PLEKHD1: variants seen among roughly 807,000 people sequenced by gnomAD.
PLEKHD1 encodes the protein pleckstrin homology and coiled-coil domain containing D1, also known as pleckstrin homology domain-containing family D member 1.
Under a neutral mutation model 69.2 loss-of-function variants are expected in PLEKHD1, and 51 were observed. That is an observed-to-expected ratio of 0.74 (90% CI 0.59 to 0.93). The LOEUF is 0.93. Ranked by LOEUF, PLEKHD1 falls within the 40% of genes least tolerant of loss-of-function variation. The probability of loss-of-function intolerance (pLI) is 0.00; values close to 1 mark genes in which losing one functional copy is unlikely to be tolerated. For missense variants in PLEKHD1, 584 were observed against 641.0 expected, an observed-to-expected ratio of 0.91 and a Z score of 0.96; for synonymous variants, 236 against 244.7, an observed-to-expected ratio of 0.96 and a Z score of 0.33.
chr14:69,527,037 C>T (rs1223775126), intron 10 of PLEKHD1, 151 bp from the exon 11 acceptor site: 3 of 1,183,798 alleles, frequency 2.5e-6, no homozygotes, highest in Non-Finnish European at 2.3e-6. Flanking sequence ...AAGTCCAGTC[C>T]ATCTGGTTCA....
chr14:69,505,685 A>T (rs1394373103), intron 6 of PLEKHD1, among the ~76,000 whole-genome samples: 1 of 152,206 alleles, frequency 6.6e-6, no homozygotes, highest in African/African-American at 2.4e-5. Context: ...GCGAGGCCCA[A>T]TGAAGTAGAA....
the PLEKHD1 span, among the ~76,000 whole-genome samples, chr14:69,476,726 G>A: frequency 2.6e-5 from 4 of 152,198 alleles, no homozygotes; most frequent in South Asian, 2.1e-4. Flanking sequence ...CAGAACCAGC[G>A]TGGCTGGAGC....
intron 3 of PLEKHD1, 84 bp downstream of exon 3, chr14:69,500,750 T>C: frequency 1.3e-6 from 2 of 1,517,934 alleles, no homozygotes; most frequent in Non-Finnish European, 8.9e-7. Context: ...TCCCATGTCC[T>C]GGCCTGGGAG....
intron 1 of PLEKHD1, among the ~76,000 whole-genome samples, chr14:69,492,232 G>C (rs559964189): frequency 3.0e-4 from 45 of 152,140 alleles, no homozygotes; most frequent in Non-Finnish European, 5.7e-4. Context: ...TGCCTATGCT[G>C]TTCCCTCTGT....
intron 1 of PLEKHD1, among the ~76,000 whole-genome samples, chr14:69,490,114 C>T (rs552079739): frequency 7.1e-4 from 108 of 152,268 alleles, no homozygotes; most frequent in African/African-American, 2.3e-3. Flanking sequence ...GTGATCTGCC[C>T]GCCTCGGCCT....
chr14:69,505,619 C>G (rs1387073557), intron 6 of PLEKHD1, among the ~76,000 whole-genome samples: 3 of 152,226 alleles, frequency 2.0e-5, no homozygotes, highest in Non-Finnish European at 4.4e-5. Context: ...CAATTTCCCC[C>G]CATCTGGGAT....
rs560322645 is a variant in PLEKHD1, at chr14:69,508,273, A to T, written c.555+5394A>T. Among the ~76,000 whole-genome samples the T allele has an allele frequency of 4.6e-5, 7 of 151,968 alleles. No homozygotes were observed. In the South Asian group the frequency reaches 1.5e-3, roughly 32 times the overall value. Reference sequence around the variant, plus strand: ...ATACAAAAATTAGCCGGGGGTGGTGATGTGTGCCTATAATCCCAGCTACTT... The same window carrying T: ...ATACAAAAATTAGCCGGGGGTGGTGTTGTGTGCCTATAATCCCAGCTACTT... On this transcript the variant is annotated intron_variant, in intron 6 of 12. Transcript: ENST00000322564.
At chr14:69,479,196 C>T in the PLEKHD1 span, among the ~76,000 whole-genome samples, 1 of 152,162 alleles carries the variant, frequency 6.6e-6, no homozygotes, top group Admixed American at 6.5e-5. Flanking sequence ...TATTCACTAT[C>T]ATGAGAACAG....
At position 69,500,187 on chromosome 14, in the gene PLEKHD1, A is replaced by G. The variant is rs1882991002; in HGVS notation, c.222A>G (p.Lys74=). 6.5e-7 allele frequency: 1 copy of G among 1,548,200 alleles called. No homozygotes were observed. The highest frequency in any genetic ancestry group is 8.7e-7 in the Non-Finnish European group (1 of 1,143,860). ...AAAAAAAGAGCTTTGAAACCAATAA[A>G]TACTTCAATATACATCCTAAGGTGA... ...ESEKKSFETN[K]YFNIHPKGVI... Residue 74 remains lysine (K), a synonymous_variant, in exon 2 of 13, where the codon AAA becomes AAG. Transcript: ENST00000322564.
chr14:69,484,416 C>G (rs1882605064), upstream of PLEKHD1, among the ~76,000 whole-genome samples: 1 of 152,198 alleles, frequency 6.6e-6, no homozygotes, highest in Non-Finnish European at 1.5e-5. Flanking sequence ...GCGGACGTGG[C>G]CCTCGTCTCG....
intron 6 of PLEKHD1, among the ~76,000 whole-genome samples, chr14:69,522,080 G>A (rs1053006031): frequency 8.5e-5 from 13 of 152,264 alleles, no homozygotes; most frequent in South Asian, 2.1e-4. Context: ...CAGTGGGCTC[G>A]ATTCATCATA....
In PLEKHD1 at chr14:69,485,734, C is replaced by T. The variant is rs1487533912; in HGVS notation, c.149+620C>T. Among the ~76,000 whole-genome samples, 4 of 152,164 alleles carry T rather than the reference C, an allele frequency of 2.6e-5. No individual in the cohort carries two copies. The East Asian group carries it at 7.7e-4, about 29-fold the overall frequency. Reference sequence around the variant, plus strand: ...AGCACAGGGAAGAGAGATTCTAGTGCTTCAGACGGAGGAGCTGGAAAGGAG... The same window carrying T: ...AGCACAGGGAAGAGAGATTCTAGTGTTTCAGACGGAGGAGCTGGAAAGGAG... On this transcript the variant is annotated intron_variant, in intron 1 of 12. Coordinates refer to ENST00000322564, the MANE Select transcript of PLEKHD1 (RefSeq NM_001161498.2).
In PLEKHD1 at chr14:69,489,723, G is replaced by T. The variant is rs76539979; in HGVS notation, c.149+4609G>T. ...AGTGTCTCATCTATAGAGTGGGAAT[G>T]GGATGGGTCAAACTGTGTGCCACAA... On this transcript the variant is annotated intron_variant, in intron 1 of 12. Transcript: ENST00000322564. 5.1e-3 allele frequency among the ~76,000 whole-genome samples: 775 copies of T among 152,256 alleles called. 6 individuals carry two copies. The highest frequency in any genetic ancestry group is 0.018 in the African/African-American group (745 of 41,540).
At position 69,496,128 on chromosome 14, in the gene PLEKHD1, G is replaced by C. The variant is rs1159667897; in HGVS notation, c.150-3987G>C. 2.0e-5 allele frequency among the ~76,000 whole-genome samples: 3 copies of C among 152,184 alleles called. No individual in the cohort carries two copies. The East Asian group carries it at 5.8e-4, about 29-fold the overall frequency. On this transcript the variant is annotated intron_variant, in intron 1 of 12. Transcript: ENST00000322564. ...GAGGAAGAAAGGGAGGCTTAGTAAGGCTGGGAGTTTGCCTGAGGCTGCAGC... is the reference window on the plus strand; with the variant it reads ...GAGGAAGAAAGGGAGGCTTAGTAAGCCTGGGAGTTTGCCTGAGGCTGCAGC...
intron 1 of PLEKHD1, among the ~76,000 whole-genome samples, chr14:69,486,253 T>C (rs1208406012): frequency 6.6e-6 from 1 of 152,246 alleles, no homozygotes; most frequent in Non-Finnish European, 1.5e-5. Flanking sequence ...TGGGTGCTGA[T>C]GTTCTGTTCT....
intron 7 of PLEKHD1, 45 bp from the exon 8 acceptor site, chr14:69,524,184 G>A (rs775820138): frequency 7.0e-7 from 1 of 1,422,012 alleles, no homozygotes; most frequent in African/African-American, 1.4e-5. Flanking sequence ...TTGGTGGGGG[G>A]TGGGGAGAGT....
chr14:69,488,400 G>C lies in PLEKHD1; in HGVS notation c.149+3286G>C, dbSNP rs1882700111. Among the ~76,000 whole-genome samples the C allele has an allele frequency of 3.3e-5, 5 of 152,176 alleles. No homozygotes were observed. The South Asian group carries it at 1.0e-3, about 32-fold the overall frequency. ...AAGAGCCTATCATGTCAGCTTCACGGCACTAGGCTCAGCCTCACCCTGGTG... is the reference window on the plus strand; with the variant it reads ...AAGAGCCTATCATGTCAGCTTCACGCCACTAGGCTCAGCCTCACCCTGGTG... On this transcript the variant is annotated intron_variant, in intron 1 of 12. Coordinates refer to ENST00000322564, the MANE Select transcript of PLEKHD1 (RefSeq NM_001161498.2).
At chr14:69,482,647 C>T (rs767339167), upstream of PLEKHD1, among the ~76,000 whole-genome samples, 1 of 152,200 alleles carries the variant, frequency 6.6e-6, no homozygotes, top group Non-Finnish European at 1.5e-5. Context: ...CATGTGCCAC[C>T]ATGTTCCCTT....
intron 1 of PLEKHD1, among the ~76,000 whole-genome samples, chr14:69,493,875 G>T (rs1882829591): frequency 6.6e-6 from 1 of 152,248 alleles, no homozygotes; most frequent in African/African-American, 2.4e-5. Flanking sequence ...GGCCAGAGCT[G>T]ATGGGCAAAG....
Sources: allele counts gnomAD v4.1 joint callset (sites outside exome capture counted in the v4.1 genomes callset), GRCh38; gene constraint gnomAD v4.1.1; transcripts MANE v1.5; gene names NCBI Gene and HGNC (gene_info 2026-07-23, HGNC 2026-07-21).